The following PDGFD variants were observed in gnomAD, a reference collection of about 807,000 sequenced individuals.
The protein encoded by PDGFD is platelet-derived growth factor D.
A neutral mutation model predicts 44.7 loss-of-function variants in PDGFD; 30 were observed. The ratio of observed to expected loss-of-function variants is 0.67; its 90% confidence interval spans 0.50 to 0.91. The LOEUF is 0.91. Among genes scored for constraint, PDGFD ranks in the 40% least tolerant of loss-of-function variants. PDGFD has a pLI of 0.00. For missense variants in PDGFD, 445 were observed against 457.8 expected (o/e 0.97, Z 0.25); for synonymous variants, 173 against 168.4 (o/e 1.03, Z -0.21).
At chr11:103,965,286 T>C (rs1858999410) in intron 3 of PDGFD, among the ~76,000 whole-genome samples, 1 of 152,156 alleles carries the variant, frequency 6.6e-6, no homozygotes, top group Non-Finnish European at 1.5e-5. Context: ...AACCATAGGA[T>C]CTTTCCTTTT....
intron 5 of PDGFD, among the ~76,000 whole-genome samples, chr11:103,937,154 T>C (rs1438997622): frequency 6.6e-6 from 1 of 152,174 alleles, no homozygotes; most frequent in Non-Finnish European, 1.5e-5. Flanking sequence ...AGGAGTGGAT[T>C]TGAATTTTAG....
intron 6 of PDGFD, among the ~76,000 whole-genome samples, chr11:103,916,043 T>C (rs939908318): frequency 6.6e-6 from 1 of 152,112 alleles, no homozygotes; most frequent in East Asian, 1.9e-4. Flanking sequence ...AAAGACTTCA[T>C]GACTAAAACA....
intron 6 of PDGFD, among the ~76,000 whole-genome samples, chr11:103,925,696 T>C (rs1416046987): frequency 6.7e-5 from 5 of 74,104 alleles, no homozygotes; most frequent in East Asian, 5.8e-4. Flanking sequence ...TATATATATA[T>C]ATACACAGAC....
chr11:104,129,015 C>T (rs752971323), intron 1 of PDGFD, among the ~76,000 whole-genome samples: 3 of 152,050 alleles, frequency 2.0e-5, no homozygotes, highest in South Asian at 2.1e-4. Context: ...CTGTGACCAC[C>T]GGCCTTATAG....
chr11:104,041,952 T>C (rs962828630), intron 1 of PDGFD, among the ~76,000 whole-genome samples: 6 of 152,180 alleles, frequency 3.9e-5, no homozygotes, highest in African/African-American at 1.4e-4. Context: ...TTTTCTGACA[T>C]CCAAGATTCC....
chr11:103,966,642 G>A (rs1859024772), intron 3 of PDGFD, among the ~76,000 whole-genome samples: 1 of 152,238 alleles, frequency 6.6e-6, no homozygotes, highest in Middle Eastern at 3.4e-3. Context: ...AGCTGTTTTA[G>A]CCTGGACTCC....
chr11:104,000,415 C>T (rs74930563), intron 1 of PDGFD, among the ~76,000 whole-genome samples, 160 bp from the exon 2 acceptor site: 7,532 of 152,246 alleles, frequency 0.049, 626 homozygotes, highest in African/African-American at 0.17. Flanking sequence ...TTTTCTCACA[C>T]TGATGGCGTA....
chr11:104,060,926 G>A (rs1445894848), intron 1 of PDGFD, among the ~76,000 whole-genome samples: 2 of 152,128 alleles, frequency 1.3e-5, no homozygotes, highest in East Asian at 3.9e-4. Context: ...ACAATGTTGT[G>A]CAACCATCAT....
At chr11:103,939,440 T>A (rs1171577924) in intron 5 of PDGFD, among the ~76,000 whole-genome samples, 1 of 152,192 alleles carries the variant, frequency 6.6e-6, no homozygotes, top group African/African-American at 2.4e-5. Context: ...GCTTATCAGC[T>A]TGAGGAGATT....
In PDGFD at chr11:104,132,845, T is replaced by A. The variant is rs1861943752; in HGVS notation, c.124+30959A>T. Among the ~76,000 whole-genome samples, 7 of 152,274 alleles carry A rather than the reference T, an allele frequency of 4.6e-5. No individual in the cohort carries two copies. In the South Asian group the frequency reaches 1.5e-3, roughly 32 times the overall value. The stretch of plus-strand genomic sequence containing the variant: ...ACCTTTTCATAATGTTCTGAGAATA[T>A]AACAAATGAACAATTTGACTGCAAA... On this transcript the variant is annotated intron_variant, in intron 1 of 6. Transcript: ENST00000393158.
At chr11:104,053,060 T>A (rs1200609008) in intron 1 of PDGFD, among the ~76,000 whole-genome samples, 1 of 152,192 alleles carries the variant, frequency 6.6e-6, no homozygotes, top group African/African-American at 2.4e-5. Context: ...TATATGCTCA[T>A]GATTTAATTG....
intron 3 of PDGFD, among the ~76,000 whole-genome samples, chr11:103,963,749 G>C (rs1307315267): frequency 6.6e-6 from 1 of 152,080 alleles, no homozygotes; most frequent in East Asian, 1.9e-4. Context: ...AACATCTTAA[G>C]AGGACAAGAC....
chr11:103,967,140 T>G (rs956703448), intron 3 of PDGFD, among the ~76,000 whole-genome samples: 1 of 152,226 alleles, frequency 6.6e-6, no homozygotes, highest in Admixed American at 6.5e-5. Flanking sequence ...TAAAAGATAT[T>G]GTAGGCATAT....
rs549963689 is a variant in PDGFD at position 104,140,425 on chromosome 11, T to C, written c.124+23379A>G. Among the ~76,000 whole-genome samples, 23 of 149,848 alleles carry C rather than the reference T, an allele frequency of 1.5e-4. No individual in the cohort carries two copies. The South Asian group carries it at 2.5e-3, about 17-fold the overall frequency. On this transcript the variant is annotated intron_variant, in intron 1 of 6. Transcript: ENST00000393158. ...AATTACTTAGTGCATGAAAAACCCGTAAATCCAACAATCCTCTGTGGCCAT... is the reference window on the plus strand; with the variant it reads ...AATTACTTAGTGCATGAAAAACCCGCAAATCCAACAATCCTCTGTGGCCAT...
chr11:103,917,095 C>A (rs10791653), intron 6 of PDGFD, among the ~76,000 whole-genome samples: 68,564 of 150,366 alleles, frequency 0.46, 15,638 homozygotes, highest in South Asian at 0.49. Flanking sequence ...AAAAAAAAAA[C>A]ACACAACATG....
chr11:104,133,724 T>C (rs190672175), intron 1 of PDGFD, among the ~76,000 whole-genome samples: 1 of 152,344 alleles, frequency 6.6e-6, no homozygotes, highest in Non-Finnish European at 1.5e-5. Flanking sequence ...TGTCATATAA[T>C]GTAATAGACA....
At chr11:103,917,844 C>T (rs1481194365) in intron 6 of PDGFD, among the ~76,000 whole-genome samples, 3 of 152,134 alleles carry the variant, frequency 2.0e-5, no homozygotes, top group Non-Finnish European at 2.9e-5. Flanking sequence ...CCATGTGAAC[C>T]GGCAGGGAGA....
intron 1 of PDGFD, among the ~76,000 whole-genome samples, chr11:104,010,157 G>A (rs1009765499): frequency 4.6e-5 from 7 of 151,580 alleles, no homozygotes; most frequent in Non-Finnish European, 1.0e-4. Context: ...ATTTGGGGAA[G>A]GAGATGGTTG....
intron 1 of PDGFD, among the ~76,000 whole-genome samples, chr11:104,074,264 C>G (rs1210749374): frequency 1.3e-5 from 2 of 152,182 alleles, no homozygotes; most frequent in Non-Finnish European, 2.9e-5. Context: ...AAGCACCCAG[C>G]TGGCCCATGA....
Sources: gnomAD v4.1 joint callset for allele counts (sites outside exome capture counted in the v4.1 genomes callset) on GRCh38, gnomAD v4.1.1 for gene constraint, MANE v1.5 for transcripts, NCBI Gene and HGNC (gene_info 2026-07-23, HGNC 2026-07-21) for gene names.